Variants in UBAP1 observed in about 807,000 individuals in gnomAD.
The protein encoded by UBAP1 is ubiquitin-associated protein 1.
In UBAP1, 5 loss-of-function variants were observed where a neutral mutation model predicts 39.0. The observed-to-expected ratio is 0.13, with a 90% confidence interval of 0.07 to 0.27. The LOEUF (loss-of-function observed/expected upper bound fraction) is 0.27, where lower values mean the gene tolerates loss of function less well. Ranked by LOEUF, UBAP1 falls within the 10% of genes least tolerant of loss-of-function variation. The probability of loss-of-function intolerance (pLI) is 1.00; values close to 1 mark genes in which losing one functional copy is unlikely to be tolerated. For missense variants in UBAP1, 490 were observed against 608.1 expected (o/e 0.81, Z 2.04); for synonymous variants, 211 against 225.1 (o/e 0.94, Z 0.56).
chr9:34,208,516 G>A (rs182086410), intron 1 of UBAP1, among the ~76,000 whole-genome samples: 11 of 152,114 alleles, frequency 7.2e-5, no homozygotes, highest in Admixed American at 3.9e-4. Context: ...GGTGGCTCAC[G>A]CCTGTAATCC....
chr9:34,231,176 T>TGTGTGTGTGTGTGTG (rs74180554), intron 2 of UBAP1, among the ~76,000 whole-genome samples: 1 of 135,148 alleles, frequency 7.4e-6, no homozygotes, highest in African/African-American at 2.9e-5. Flanking sequence ...TGTGTGTGTG[T>TGTGTGTGTGTGTGTG]TGGGGTCGGG....
chr9:34,183,242 G>A (rs1830188465), intron 1 of UBAP1, among the ~76,000 whole-genome samples: 1 of 151,888 alleles, frequency 6.6e-6, no homozygotes. Context: ...GTAATACAGA[G>A]TGCCTTAAAA....
chr9:34,233,055 T>A (rs1454507630), intron 2 of UBAP1, among the ~76,000 whole-genome samples: 2 of 152,156 alleles, frequency 1.3e-5, no homozygotes, highest in Non-Finnish European at 2.9e-5. Flanking sequence ...AAAGAACCTG[T>A]AGGAGATTAA....
intron 2 of UBAP1, among the ~76,000 whole-genome samples, chr9:34,231,075 C>T (rs963130106): frequency 6.7e-6 from 1 of 149,400 alleles, no homozygotes; most frequent in African/African-American, 2.5e-5. Context: ...TGCAGTGAGC[C>T]ATGATAGCAC....
In UBAP1 at chr9:34,242,016, G is replaced by A; in HGVS notation, c.991G>A (p.Glu331Lys). ...LSALNLDSGT[E>K]MPALTSSQMP... ...AGCTTTGAACTTGGACAGTGGCACA[G>A]AGATGCCAGCCCTGACATCCTCCCA... Residue 331 changes from glutamate to lysine, a missense_variant, in exon 4 of 7, where the codon GAG (glutamate) becomes AAG (lysine). Glu to Lys is a moderately conservative substitution (Grantham distance 56). Coordinates refer to ENST00000297661, the MANE Select transcript of UBAP1 (RefSeq NM_016525.5). The A allele has an allele frequency of 6.2e-7, 1 of 1,614,220 alleles. No homozygotes were observed. The highest frequency in any genetic ancestry group is 8.5e-7 in the Non-Finnish European group (1 of 1,180,040).
In UBAP1 at chr9:34,241,940, C is replaced by G. The variant is rs1322125273; in HGVS notation, c.915C>G (p.Ser305=). Residue 305 remains serine, a synonymous_variant, in exon 4 of 7, where the codon TCC becomes TCG. Transcript: ENST00000297661. ...NGTFQNSLKP[S]TQSSASELNG... ...CGTTCCAGAATTCCCTAAAGCCTTC[C>G]ACCCAAAGCAGTGCCAGTGAGCTCA... is the stretch of plus-strand genomic sequence containing the variant. The G allele has an allele frequency of 6.2e-7, 1 of 1,614,198 alleles. No individual in the cohort carries two copies. The highest frequency in any genetic ancestry group is 2.2e-5 in the East Asian group (1 of 44,878).
At chr9:34,242,918 A>G (rs1474198831) in intron 4 of UBAP1, among the ~76,000 whole-genome samples, 1 of 152,226 alleles carries the variant, frequency 6.6e-6, no homozygotes, top group Non-Finnish European at 1.5e-5. Flanking sequence ...GTCAGAGACC[A>G]TAACAAGCCT....
rs116301004 is a variant in UBAP1 at position 34,196,601 on chromosome 9, C to T, written c.-8+17361C>T. Among the ~76,000 whole-genome samples, 650 of 151,694 alleles carry T rather than the reference C, an allele frequency of 4.3e-3. 5 individuals carry two copies. Among genetic ancestry groups the T allele is most frequent in the African/African-American group, 0.015 (602 of 41,390 alleles). Reference sequence around the variant, plus strand: ...CAAAGTGCTGGGATTACGGCCACGGCGCCCAGCCTAAATAATTTTTTTTAA... The same window carrying T: ...CAAAGTGCTGGGATTACGGCCACGGTGCCCAGCCTAAATAATTTTTTTTAA... On this transcript the variant is annotated intron_variant, in intron 1 of 6. Coordinates refer to ENST00000297661, the MANE Select transcript of UBAP1 (RefSeq NM_016525.5).
chr9:34,250,019 C>T (rs1386231255), intron 5 of UBAP1, 58 bp downstream of exon 5: 3 of 1,571,888 alleles, frequency 1.9e-6, no homozygotes, highest in Admixed American at 3.4e-5. Context: ...GAGTAGTGTC[C>T]TCCCCTGTCC....
At chr9:34,230,044 T>C (rs527318582) in intron 2 of UBAP1, among the ~76,000 whole-genome samples, 1 of 152,272 alleles carries the variant, frequency 6.6e-6, no homozygotes, top group African/African-American at 2.4e-5. Context: ...TAGAACTTGG[T>C]TATTTAAGAA....
At chr9:34,207,055 T>C (rs1831741891) in intron 1 of UBAP1, among the ~76,000 whole-genome samples, 1 of 143,810 alleles carries the variant, frequency 7.0e-6, no homozygotes, top group African/African-American at 2.5e-5. Context: ...TTTCTTTTTT[T>C]TTTTTTTTTT....
In UBAP1 at chr9:34,179,250, G is replaced by T. The variant is rs951893429; in HGVS notation, c.-8+10G>T. The stretch of plus-strand genomic sequence containing the variant: ...CAGCAGCGGCATTCAGGTGAGGGGG[G>T]CCTCCCTCTGGGGGAGGGGGAAGAG... On this transcript the variant is annotated intron_variant, in intron 1 of 6. Coordinates refer to ENST00000297661, the MANE Select transcript of UBAP1 (RefSeq NM_016525.5). 1.6e-5 allele frequency: 17 copies of T among 1,079,162 alleles called. No individual in the cohort carries two copies. The highest frequency in any genetic ancestry group is 5.2e-5 in the Admixed American group (1 of 19,394). 66.8% of individuals were successfully genotyped at this position (1,079,162 alleles called of 1,614,324 possible).
chr9:34,214,760 T>C (rs34270971), intron 1 of UBAP1, among the ~76,000 whole-genome samples: 30,492 of 151,992 alleles, frequency 0.2, 3,665 homozygotes, highest in Non-Finnish European at 0.27. Context: ...AGGACTGATA[T>C]CCAGAATCTA....
chr9:34,234,840 G>T (rs976769798), intron 3 of UBAP1, among the ~76,000 whole-genome samples: 1 of 152,082 alleles, frequency 6.6e-6, no homozygotes, highest in Non-Finnish European at 1.5e-5. Context: ...GTATTACTAT[G>T]CTATACTTTT....
In UBAP1 at chr9:34,210,734, A is replaced by AAT. The variant is rs1554648600; in HGVS notation, c.-7-10174_-7-10173insAT. Among the ~76,000 whole-genome samples the AAT allele has an allele frequency of 1.6e-3, 228 of 146,552 alleles. 2 individuals are homozygous for AAT. Among genetic ancestry groups the AAT allele is most frequent in the African/African-American group, 5.2e-3 (205 of 39,642 alleles). On this transcript the variant is annotated intron_variant, in intron 1 of 6. Coordinates refer to ENST00000297661, the MANE Select transcript of UBAP1 (RefSeq NM_016525.5). ...GACTCCATCTTTAAAAAAAAAAAAA[A>AAT]TTTTTTTTTTTTACATGTTTTCTAT...
chr9:34,202,623 ACG>A (rs1491480458), intron 1 of UBAP1, among the ~76,000 whole-genome samples: 1 of 54,510 alleles, frequency 1.8e-5, no homozygotes, highest in Non-Finnish European at 3.5e-5. Flanking sequence ...GTAGACAGAA[ACG>A]TGTGTGTGTG....
intron 1 of UBAP1, among the ~76,000 whole-genome samples, chr9:34,204,746 C>T (rs1831590588): frequency 1.3e-5 from 2 of 150,570 alleles, no homozygotes; most frequent in Admixed American, 1.3e-4. Context: ...CTCAGGTGCT[C>T]TTGTCTTTCT....
intron 4 of UBAP1, 81 bp from the exon 5 acceptor site, chr9:34,249,698 C>A: frequency 7.2e-7 from 1 of 1,381,316 alleles, no homozygotes; most frequent in Non-Finnish European, 1.0e-6. Context: ...GTCAGAAATG[C>A]CAACCCCTGG....
At position 34,252,215 on chromosome 9, in the gene UBAP1, AAC is replaced by A. The variant is rs1475891996; in HGVS notation, c.*685_*686del. ...GGGTTTTAGAGCCCCTGCTCTAGGA[AAC>A]AGTTTAAGAAATCATTGGCCCCTTC... is the stretch of plus-strand genomic sequence containing the variant. On this transcript the variant is annotated 3_prime_UTR_variant, in exon 7 of 7. Transcript: ENST00000297661. 2 of 152,586 alleles carry A rather than the reference AAC, an allele frequency of 1.3e-5. No homozygotes were observed. Among genetic ancestry groups the A allele is most frequent in the Non-Finnish European group, 2.9e-5 (2 of 68,074 alleles). 9.5% of individuals were successfully genotyped at this position (152,586 alleles called of 1,614,324 possible).
Sources: gnomAD v4.1 joint callset for allele counts (sites outside exome capture counted in the v4.1 genomes callset) on GRCh38, gnomAD v4.1.1 for gene constraint, MANE v1.5 for transcripts, NCBI Gene and HGNC (gene_info 2026-07-23, HGNC 2026-07-21) for gene names.